GABRG3: variants seen among roughly 807,000 people sequenced by gnomAD.
GABRG3 encodes gamma-aminobutyric acid receptor subunit gamma-3.
In GABRG3, 25 loss-of-function variants were observed where a neutral mutation model predicts 48.8. The ratio of observed to expected loss-of-function variants is 0.51; its 90% CI spans 0.37 to 0.72. GABRG3 has a LOEUF of 0.72. GABRG3 is among the 30% of genes least tolerant of loss of function. The pLI is 0.00. For synonymous variants in GABRG3, 227 were observed against 217.6 expected (o/e 1.04, Z -0.38); for missense variants, 394 against 577.9 (o/e 0.68, Z 3.26).
At chr15:27,315,711 G>A (rs1374168456) in intron 3 of GABRG3, among the ~76,000 whole-genome samples, 1 of 151,996 alleles carries the variant, frequency 6.6e-6, no homozygotes. Flanking sequence ...AATAATTTTG[G>A]TAACACCATT....
intron 3 of GABRG3, among the ~76,000 whole-genome samples, chr15:27,115,259 T>A (rs1897621208): frequency 6.6e-6 from 1 of 152,054 alleles, no homozygotes; most frequent in Non-Finnish European, 1.5e-5. Flanking sequence ...TCAGCAGCAG[T>A]ATTAAATAAA....
chr15:27,291,533 G>A (rs1891793986), intron 3 of GABRG3, among the ~76,000 whole-genome samples: 2 of 152,200 alleles, frequency 1.3e-5, no homozygotes, highest in Non-Finnish European at 2.9e-5. Flanking sequence ...GGCAGCAGAT[G>A]TGCTTATTTT....
chr15:27,015,107 A>G (rs1045205482), intron 2 of GABRG3, among the ~76,000 whole-genome samples: 1 of 152,130 alleles, frequency 6.6e-6, no homozygotes, highest in Non-Finnish European at 1.5e-5. Flanking sequence ...TTAGGTTCCC[A>G]TTTGCATAGA....
rs573173557 is a variant in GABRG3, at chr15:27,351,459, TTG to T, written c.574+22579_574+22580del. On this transcript the variant is annotated intron_variant, in intron 5 of 9. Transcript: ENST00000615808. ...GTGTGTGTGTATATGGTGTGTGTGT[TTG>T]TGTGTGTATGTTTGTATGGTGTGTG... 2.9e-4 allele frequency among the ~76,000 whole-genome samples: 41 copies of T among 140,952 alleles called. No homozygotes were observed. The South Asian group carries it at 5.6e-3, about 19-fold the overall frequency. 92.5% of individuals were successfully genotyped at this position (140,952 alleles called of 152,430 possible).
At position 27,326,992 on chromosome 15, in the gene GABRG3, C is replaced by T. The variant is rs746305943; in HGVS notation, c.454C>T (p.Arg152Trp). Residue 152 changes from arginine (R) to tryptophan (W), a missense_variant, in exon 4 of 10, where the codon CGG becomes TGG. Physicochemically the swap from Arg to Trp is moderately radical, Grantham distance 101. Around this residue, in one of 3 missense-constraint regions of GABRG3, gnomAD observed 218 missense variants for 309.9 expected, o/e 0.70. Coordinates refer to ENST00000615808, the MANE Select transcript of GABRG3 (RefSeq NM_033223.5). ...HWITTPNQLL[R>W]IWNDGKILYT... ...GATCACCACACCCAATCAGCTCCTC[C>T]GGATTTGGAATGACGGGAAAATCCT... 11 of 1,613,996 alleles carry T rather than the reference C, an allele frequency of 6.8e-6. No homozygotes were observed. Among genetic ancestry groups the T allele is most frequent in the African/African-American group, 2.7e-5 (2 of 75,048 alleles).
chr15:27,187,426 A>G (rs375793411), intron 3 of GABRG3, among the ~76,000 whole-genome samples: 14 of 152,068 alleles, frequency 9.2e-5, no homozygotes, highest in East Asian at 3.9e-4. Context: ...AGAATTATTT[A>G]TCTAATTCTG....
intron 3 of GABRG3, among the ~76,000 whole-genome samples, chr15:27,274,614 A>C (rs886517207): frequency 6.6e-6 from 1 of 152,106 alleles, no homozygotes; most frequent in Non-Finnish European, 1.5e-5. Flanking sequence ...CACACTGGGG[A>C]TCAAATTTCA....
At chr15:27,486,302 C>T in intron 6 of GABRG3, among the ~76,000 whole-genome samples, 1 of 152,130 alleles carries the variant, frequency 6.6e-6, no homozygotes. Flanking sequence ...CACAAATAGG[C>T]TTCCCCAGAG....
At chr15:27,028,906 G>A (rs1221131124) in intron 3 of GABRG3, among the ~76,000 whole-genome samples, 1 of 151,890 alleles carries the variant, frequency 6.6e-6, no homozygotes, top group African/African-American at 2.4e-5. Context: ...TCACATTAGG[G>A]ACTTGAAATC....
intron 5 of GABRG3, among the ~76,000 whole-genome samples, chr15:27,395,037 C>T (rs12899239): frequency 0.32 from 48,775 of 151,964 alleles, 8,729 homozygotes; most frequent in East Asian, 0.69. Context: ...TTTCTTCCAG[C>T]TATCTTTGTG....
At chr15:27,230,197 G>A (rs12593763) in intron 3 of GABRG3, among the ~76,000 whole-genome samples, 6,377 of 152,170 alleles carry the variant, frequency 0.042, 391 homozygotes, top group African/African-American at 0.13. Context: ...TTGACTCTCA[G>A]TTTGGTTGTA....
chr15:27,150,983 A>T (rs1265492981), intron 3 of GABRG3, among the ~76,000 whole-genome samples: 1 of 152,134 alleles, frequency 6.6e-6, no homozygotes, highest in Admixed American at 6.5e-5. Flanking sequence ...AAATTTACTG[A>T]TTTTTCCCAA....
intron 3 of GABRG3, among the ~76,000 whole-genome samples, chr15:27,127,973 T>C (rs958316006): frequency 6.6e-6 from 1 of 152,054 alleles, no homozygotes; most frequent in Non-Finnish European, 1.5e-5. Context: ...AGATAAGAGA[T>C]TACAAAGTGA....
intron 2 of GABRG3, among the ~76,000 whole-genome samples, chr15:27,005,214 A>T (rs1199665232): frequency 6.6e-6 from 1 of 151,598 alleles, no homozygotes; most frequent in African/African-American, 2.4e-5. Context: ...TTATTTATTT[A>T]TTTTTGAGAT....
chr15:27,315,926 A>G (rs1893198069), intron 3 of GABRG3, among the ~76,000 whole-genome samples: 1 of 152,140 alleles, frequency 6.6e-6, no homozygotes, highest in Non-Finnish European at 1.5e-5. Context: ...GTCTTTGTAG[A>G]TGCAGCATTC....
rs377750234 is a variant in GABRG3 at position 27,257,148 on chromosome 15, A to G, written c.271-69661A>G. Among the ~76,000 whole-genome samples the G allele has an allele frequency of 9.2e-5, 14 of 151,882 alleles. No individual in the cohort carries two copies. The East Asian group carries it at 2.5e-3, about 27-fold the overall frequency. On this transcript the variant is annotated intron_variant, in intron 3 of 9. Transcript: ENST00000615808. The stretch of plus-strand genomic sequence containing the variant: ...ATGCCTCGTTGTGGTTTTAATTTGC[A>G]TTTCTTCGATGATTAGTGGTATGGA...
intron 3 of GABRG3, among the ~76,000 whole-genome samples, chr15:27,057,134 G>T (rs1439027423): frequency 2.0e-5 from 3 of 152,136 alleles, no homozygotes; most frequent in Admixed American, 1.3e-4. Context: ...GAAGCTTTTA[G>T]TCCTTGATTC....
chr15:27,403,932 A>C (rs953997875), intron 5 of GABRG3, among the ~76,000 whole-genome samples: 4 of 131,882 alleles, frequency 3.0e-5, no homozygotes, highest in East Asian at 2.3e-4. Flanking sequence ...AAAAAAACAA[A>C]AAAAAAAAAC....
intron 3 of GABRG3, among the ~76,000 whole-genome samples, chr15:27,141,629 A>G (rs1898104630): frequency 6.6e-6 from 1 of 152,226 alleles, no homozygotes; most frequent in African/African-American, 2.4e-5. Flanking sequence ...CTCTAGGGAT[A>G]AGGTCTATGG....
Sources: allele counts gnomAD v4.1 joint callset (sites outside exome capture counted in the v4.1 genomes callset), GRCh38; gene constraint gnomAD v4.1.1; regional missense constraint gnomAD v4.1.1; transcripts MANE v1.5; gene names NCBI Gene and HGNC (gene_info 2026-07-23, HGNC 2026-07-21).